COL24A1: variants seen among roughly 807,000 people sequenced by gnomAD.
The protein encoded by COL24A1 is collagen alpha-1(XXIV) chain.
Under a neutral mutation model 253.9 loss-of-function variants are expected in COL24A1, and 224 were observed. The ratio of observed to expected loss-of-function variants is 0.88; its 90% CI spans 0.79 to 0.99. The LOEUF is 0.99. Among genes scored for constraint, COL24A1 ranks in the 50% least tolerant of loss-of-function variants. COL24A1 has a pLI of 0.00. For missense variants in COL24A1, 2,131 were observed against 2,068.5 expected, an observed-to-expected ratio of 1.03 and a Z score of -0.59; for synonymous variants, 685 against 673.7, an observed-to-expected ratio of 1.02 and a Z score of -0.26.
intron 55 of COL24A1, among the ~76,000 whole-genome samples, chr1:85,757,100 T>C (rs1450639889): frequency 6.6e-6 from 1 of 152,116 alleles, no homozygotes; most frequent in Non-Finnish European, 1.5e-5. Flanking sequence ...AGTTTCAGTT[T>C]TGGAAGACAA....
At chr1:85,763,492 CTTTTTTT>C (rs371408246) in intron 53 of COL24A1, among the ~76,000 whole-genome samples, 4 of 124,538 alleles carry the variant, frequency 3.2e-5, no homozygotes, top group African/African-American at 8.9e-5. Flanking sequence ...CTTTTACTTT[CTTTTTTT>C]TTTTTTTTTT....
intron 19 of COL24A1, among the ~76,000 whole-genome samples, chr1:86,003,726 T>C (rs1695657890): frequency 2.0e-5 from 3 of 152,018 alleles, no homozygotes; most frequent in African/African-American, 2.4e-5. Context: ...TGAGGATATA[T>C]AGATTCCTCG....
At chr1:86,074,984 G>C (rs150001470) in intron 7 of COL24A1, among the ~76,000 whole-genome samples, 2 of 152,172 alleles carry the variant, frequency 1.3e-5, no homozygotes, top group East Asian at 3.9e-4. Flanking sequence ...AAAAGAACTA[G>C]AGATGCAAGA....
intron 43 of COL24A1, among the ~76,000 whole-genome samples, chr1:85,834,104 C>T (rs1675708750): frequency 1.3e-5 from 2 of 151,402 alleles, no homozygotes; most frequent in South Asian, 2.1e-4. Flanking sequence ...TACCCTAAAA[C>T]TTAAAGTATA....
chr1:85,870,188 T>C (rs1473677629), intron 35 of COL24A1, among the ~76,000 whole-genome samples: 2 of 152,088 alleles, frequency 1.3e-5, no homozygotes, highest in Non-Finnish European at 2.9e-5. Context: ...AGCACCCAGA[T>C]TCATAAAGCA....
intron 20 of COL24A1, among the ~76,000 whole-genome samples, chr1:85,987,245 A>G (rs569658776): frequency 1.2e-3 from 180 of 151,924 alleles, no homozygotes; most frequent in African/African-American, 4.2e-3. Context: ...TTTTATTTCA[A>G]TCAATGGATA....
rs371408246 is a variant in COL24A1, at chr1:85,763,492, C to CTT, written c.4375-1928_4375-1927dup. Among the ~76,000 whole-genome samples, 947 of 124,504 alleles carry CTT rather than the reference C, an allele frequency of 7.6e-3. 19 individuals carry two copies. The highest frequency in any genetic ancestry group is 0.019 in the African/African-American group (636 of 33,742). 81.7% of individuals were successfully genotyped at this position (124,504 alleles called of 152,430 possible). On this transcript the variant is annotated intron_variant, in intron 53 of 59. Transcript: ENST00000370571. ...GTCTCTGTTAATTTTCTTTTACTTT[C>CTT]TTTTTTTTTTTTTTTTTGAGACGTA... is the stretch of plus-strand genomic sequence containing the variant.
At chr1:85,950,280 G>A (rs755707251) in intron 24 of COL24A1, among the ~76,000 whole-genome samples, 12 of 152,204 alleles carry the variant, frequency 7.9e-5, no homozygotes, top group Non-Finnish European at 1.8e-4. Context: ...TTGTGGAATA[G>A]TGACAGACTC....
intron 24 of COL24A1, among the ~76,000 whole-genome samples, chr1:85,937,348 G>A (rs1271750432): frequency 6.8e-6 from 1 of 147,784 alleles, no homozygotes; most frequent in Non-Finnish European, 1.5e-5. Context: ...GGAAATTTGT[G>A]AGTGACCTGG....
intron 6 of COL24A1, among the ~76,000 whole-genome samples, chr1:86,091,108 C>T (rs900160484): frequency 2.0e-5 from 3 of 151,762 alleles, no homozygotes; most frequent in Admixed American, 2.0e-4. Context: ...TTTGTCCTTG[C>T]AATAATTAAG....
intron 53 of COL24A1, among the ~76,000 whole-genome samples, chr1:85,768,808 T>C (rs991694233): frequency 6.6e-6 from 1 of 152,188 alleles, no homozygotes; most frequent in Non-Finnish European, 1.5e-5. Flanking sequence ...CATTATTACA[T>C]GGAGCTGAAA....
At chr1:85,963,756 G>C (rs1348577258) in intron 23 of COL24A1, among the ~76,000 whole-genome samples, 1 of 152,096 alleles carries the variant, frequency 6.6e-6, no homozygotes, top group African/African-American at 2.4e-5. Flanking sequence ...CCTAGATTTT[G>C]GTGTGATTCT....
At chr1:86,061,639 A>T (rs557301427) in intron 8 of COL24A1, among the ~76,000 whole-genome samples, 3 of 152,072 alleles carry the variant, frequency 2.0e-5, no homozygotes, top group Non-Finnish European at 2.9e-5. Context: ...AACAAAATAA[A>T]CAAGTAAGAC....
chr1:86,146,008 T>C, intron 2 of COL24A1, 111 bp downstream of exon 2: 1 of 872,972 alleles, frequency 1.1e-6, no homozygotes, highest in Non-Finnish European at 1.8e-6. Context: ...GGAATTTTTG[T>C]TATTGTTTAA....
chr1:85,800,488 CTA>C (rs1671315145), intron 47 of COL24A1, among the ~76,000 whole-genome samples: 1 of 152,092 alleles, frequency 6.6e-6, no homozygotes, highest in Non-Finnish European at 1.5e-5. Flanking sequence ...ATACCAGAAA[CTA>C]ATACTGGATA....
At chr1:86,082,667 T>A (rs1702738092) in intron 7 of COL24A1, among the ~76,000 whole-genome samples, 1 of 93,178 alleles carries the variant, frequency 1.1e-5, no homozygotes, top group African/African-American at 4.1e-5. Flanking sequence ...TATACTGTAA[T>A]AATTTATATA....
intron 19 of COL24A1, among the ~76,000 whole-genome samples, chr1:86,000,538 G>A (rs933207845): frequency 8.5e-5 from 13 of 152,128 alleles, no homozygotes; most frequent in Non-Finnish European, 2.9e-5. Context: ...AATTGTTTAG[G>A]CAAAGGGATT....
At chr1:86,059,409 TA>T (rs981399333) in intron 8 of COL24A1, among the ~76,000 whole-genome samples, 8 of 152,156 alleles carry the variant, frequency 5.3e-5, no homozygotes. Flanking sequence ...ATCATAAATC[TA>T]GGATGGAAAA....
intron 24 of COL24A1, among the ~76,000 whole-genome samples, chr1:85,913,336 G>T (rs1685553796): frequency 6.6e-6 from 1 of 152,114 alleles, no homozygotes. Context: ...CTTTCCAGAA[G>T]GCTATATATG....
Sources: allele counts gnomAD v4.1 joint callset (sites outside exome capture counted in the v4.1 genomes callset), GRCh38; gene constraint gnomAD v4.1.1; transcripts MANE v1.5; gene names NCBI Gene and HGNC (gene_info 2026-07-23, HGNC 2026-07-21).